The following ENKD1 variants were observed in gnomAD, a reference collection of about 807,000 sequenced individuals.
ENKD1 encodes the protein enkurin domain-containing protein 1.
A neutral mutation model predicts 35.8 loss-of-function variants in ENKD1; 39 were observed. The observed-to-expected ratio is 1.09, with a 90% CI of 0.84 to 1.42. The LOEUF is 1.42. ENKD1 is among the 40% of genes most tolerant of loss of function. ENKD1 has a pLI of 0.00. For synonymous variants in ENKD1, 205 were observed against 198.6 expected, an observed-to-expected ratio of 1.03 and a Z score of -0.27; for missense variants, 474 against 471.3, an observed-to-expected ratio of 1.01 and a Z score of -0.05.
At position 67,666,078 on chromosome 16, in the gene ENKD1, A is replaced by G; in HGVS notation, c.273T>C (p.Ser91=). 1 of 1,612,476 alleles carries G rather than the reference A, an allele frequency of 6.2e-7. No homozygotes were observed. ...LEGISLGPGA[S]LKRKDPKDHE... ...TCCATTCCTGGGACTTACTCTTGAG[A>G]GAGGCCCCAGGACCTAGGGAGATCC... Residue 91 remains serine, a synonymous_variant, in exon 2 of 7, where the codon TCT becomes TCC. Transcript: ENST00000243878.
intron 4 of ENKD1, 51 bp downstream of exon 4, chr16:67,663,886 C>CA (rs775985524): frequency 1.9e-6 from 3 of 1,603,958 alleles, no homozygotes; most frequent in South Asian, 1.1e-5. Context: ...ACACCCCCCC[C>CA]ACACCAGGAG....
Position 67,663,523 on chromosome 16 carries a change from C to G in ENKD1, c.777G>C (p.Glu259Asp), listed in dbSNP as rs766830869. ...LLERRDLWRR[E>D]AEARKQSQPD... is the part of the protein sequence containing the mutation. ...GCTGGCTCTGCTTGCGGGCCTCGGCCTCCCGCCGCCACAGGTCCCTGCGCT... is the reference window on the plus strand; with the variant it reads ...GCTGGCTCTGCTTGCGGGCCTCGGCGTCCCGCCGCCACAGGTCCCTGCGCT... The change falls in exon 6 of 7, where the codon GAG becomes GAC. Residue 259 changes from glutamate to aspartate, a missense_variant. By Grantham distance (45) the Glu-to-Asp change is conservative (BLOSUM62 2). Coordinates refer to ENST00000243878, the MANE Select transcript of ENKD1 (RefSeq NM_032140.3). 30 of 1,611,902 alleles carry G rather than the reference C, an allele frequency of 1.9e-5. No individual in the cohort carries two copies. In the South Asian group the frequency reaches 3.2e-4, roughly 17 times the overall value.
In ENKD1 at chr16:67,666,120, C is replaced by T. The variant is rs2053098211; in HGVS notation, c.231G>A (p.Val77=). ...LERGQRGVGD[V]LLQLEGISLG... ...GGGAGATCCCCTCGAGTTGCAACAG[C>T]ACGTCCCCGACGCCGCGCTGGCCGC... The change falls in exon 2 of 7, where the codon GTG becomes GTA. Residue 77 remains valine (V), a synonymous_variant. Coordinates refer to ENST00000243878, the MANE Select transcript of ENKD1 (RefSeq NM_032140.3). 1 of 1,612,846 alleles carries T rather than the reference C, an allele frequency of 6.2e-7. No individual in the cohort carries two copies. Among genetic ancestry groups the T allele is most frequent in the South Asian group, 1.1e-5 (1 of 91,090 alleles).
chr16:67,664,383 T>G, intron 3 of ENKD1: 2 of 427,712 alleles, frequency 4.7e-6, no homozygotes, highest in Non-Finnish European at 4.4e-6. Context: ...AGGCGGTCAA[T>G]TCCTTGGTCT....
chr16:67,665,858 T>G (rs2053093535), intron 2 of ENKD1, among the ~76,000 whole-genome samples: 1 of 152,246 alleles, frequency 6.6e-6, no homozygotes, highest in Admixed American at 6.5e-5. Flanking sequence ...GGGTAACAAA[T>G]GCATAAAGCA....
At chr16:67,664,485 C>A in intron 3 of ENKD1, 4 of 356,218 alleles carry the variant, frequency 1.1e-5, no homozygotes, top group South Asian at 6.6e-5. Context: ...ACACTCCCAC[C>A]CCCTGGGAAC....
rs758835205 is a variant in ENKD1, at chr16:67,666,270, G to GGGGCGGAGCC, written c.86-15_86-6dup. The GGGGCGGAGCC allele has an allele frequency of 1.9e-6, 3 of 1,601,938 alleles. No individual in the cohort carries two copies. The Admixed American group carries it at 5.1e-5, about 27-fold the overall frequency. On this transcript the variant is annotated splice_region_variant and splice_polypyrimidine_tract_variant and intron_variant, in intron 1 of 6. Transcript: ENST00000243878. ...TTCCCTCGAGGCGCCCTTGAGCTGT[G>GGGGCGGAGCC]GGGCGGAGCCGGGCGGAGTCCGGGG... is the stretch of plus-strand genomic sequence containing the variant.
chr16:67,665,067 T>C lies in ENKD1; in HGVS notation c.382A>G (p.Arg128Gly). ...GAGCGCCACAGAGCTTTCAGGGGCC[T>C]GGGCTGGCCCTGCTCCCGGCTGCGC... ...QERSREQGQP[R>G]PLKALWRSPK... Residue 128 changes from arginine to glycine, a missense_variant, in exon 3 of 7, where the codon AGG becomes GGG. Coordinates refer to ENST00000243878, the MANE Select transcript of ENKD1 (RefSeq NM_032140.3). 6.2e-7 allele frequency: 1 copy of C among 1,613,914 alleles called. No homozygotes were observed. Among genetic ancestry groups the C allele is most frequent in the East Asian group, 2.2e-5 (1 of 44,888 alleles).
intron 2 of ENKD1, 50 bp downstream of exon 2, chr16:67,666,021 T>A (rs767947018): frequency 8.9e-6 from 14 of 1,573,966 alleles, no homozygotes; most frequent in Non-Finnish European, 1.2e-5. Flanking sequence ...TTTTGATCTC[T>A]TTCCACCCCG....
At chr16:67,664,150 C>CTTTG (rs1567647021) in intron 3 of ENKD1, 88 bp from the exon 4 acceptor site, 8 of 1,245,088 alleles carry the variant, frequency 6.4e-6, no homozygotes, top group Non-Finnish European at 9.1e-6. Context: ...CCCTTCTGAC[C>CTTTG]TTTGCATCCA....
chr16:67,664,161 T>C, intron 3 of ENKD1, 99 bp from the exon 4 acceptor site: 1 of 1,080,116 alleles, frequency 9.3e-7, no homozygotes, highest in Non-Finnish European at 1.4e-6. Flanking sequence ...TTTGCATCCA[T>C]GTCCCTCGGG....
chr16:67,663,250 G>T lies in ENKD1; in HGVS notation c.952C>A (p.Arg318Ser). Residue 318 changes from arginine to serine, a missense_variant, in exon 7 of 7, where the codon CGT becomes AGT. By Grantham distance (110) the Arg-to-Ser change is moderately radical. Coordinates refer to ENST00000243878, the MANE Select transcript of ENKD1 (RefSeq NM_032140.3). ...ACCAGCTTCCGGTCCAGCTCAGCAC[G>T]GTGGCTCTGGGCTCTCAGTGAGTCT... ...GADSLRAQSH[R>S]AELDRKLVQV... The T allele has an allele frequency of 1.2e-6, 2 of 1,613,950 alleles. No homozygotes were observed. The highest frequency in any genetic ancestry group is 1.7e-6 in the Non-Finnish European group (2 of 1,180,038).
In ENKD1 at chr16:67,665,068, G is replaced by T; in HGVS notation, c.381C>A (p.Pro127=). 4 of 1,613,890 alleles carry T rather than the reference G, an allele frequency of 2.5e-6. No homozygotes were observed. The highest frequency in any genetic ancestry group is 3.4e-6 in the Non-Finnish European group (4 of 1,179,992). Residue 127 remains proline (P), a synonymous_variant, in exon 3 of 7, where the codon CCC becomes CCA. Transcript: ENST00000243878. ...AGCGCCACAGAGCTTTCAGGGGCCTGGGCTGGCCCTGCTCCCGGCTGCGCT... is the reference window on the plus strand; with the variant it reads ...AGCGCCACAGAGCTTTCAGGGGCCTTGGCTGGCCCTGCTCCCGGCTGCGCT... The part of the protein sequence containing the change: ...EQERSREQGQ[P]RPLKALWRSP...
Position 67,663,995 on chromosome 16 carries a change from C to T in ENKD1, c.521G>A (p.Gly174Asp), listed in dbSNP as rs528670686. The change falls in exon 4 of 7, where the codon GGC (glycine) becomes GAC (aspartate). Residue 174 changes from glycine (G) to aspartate (D), a missense_variant. Gly to Asp is a moderately conservative substitution (Grantham distance 94). Transcript: ENST00000243878. ...ACTAGATACATGGGGTGGTGGGAGG[C>T]CAGGGCCGCAGCGGGAGTGCGCCCG... is the stretch of plus-strand genomic sequence containing the variant. The part of the protein sequence containing the change: ...FLRAHSRCGP[G>D]LPPPHVSSPQ... The T allele has an allele frequency of 3.8e-5, 60 of 1,588,694 alleles. No individual in the cohort carries two copies. The South Asian group carries it at 6.5e-4, about 17-fold the overall frequency.
chr16:67,665,726 C>T (rs1163525745), intron 2 of ENKD1, among the ~76,000 whole-genome samples: 1 of 152,206 alleles, frequency 6.6e-6, no homozygotes, highest in Non-Finnish European at 1.5e-5. Flanking sequence ...TCATATATGA[C>T]ATTCATCTCT....
Position 67,666,450 on chromosome 16 carries a change from G to A in ENKD1, c.-8C>T, listed in dbSNP as rs746741143. 9 of 1,503,834 alleles carry A rather than the reference G, an allele frequency of 6.0e-6. No homozygotes were observed. The highest frequency in any genetic ancestry group is 7.1e-6 in the Non-Finnish European group (8 of 1,133,496). 93.2% of individuals were successfully genotyped at this position (1,503,834 alleles called of 1,614,324 possible). On this transcript the variant is annotated 5_prime_UTR_variant, in exon 1 of 7. Coordinates refer to ENST00000243878, the MANE Select transcript of ENKD1 (RefSeq NM_032140.3). ...GGACGGGCCCTCGCACATGCCGCCGGCGCCGCCCAGCAACGGTGCCCCGAG... is the reference window on the plus strand; with the variant it reads ...GGACGGGCCCTCGCACATGCCGCCGACGCCGCCCAGCAACGGTGCCCCGAG...
In ENKD1 at chr16:67,663,120, T is replaced by C. The variant is rs1373472182; in HGVS notation, c.*41A>G. The stretch of plus-strand genomic sequence containing the variant: ...CCTGTCCTTTGCAGCCATGTGGCGA[T>C]CCTCAGCATGGAGCTCCTTGCCACT... On this transcript the variant is annotated 3_prime_UTR_variant, in exon 7 of 7. Coordinates refer to ENST00000243878, the MANE Select transcript of ENKD1 (RefSeq NM_032140.3). The C allele has an allele frequency of 1.2e-6, 2 of 1,610,640 alleles. No homozygotes were observed. Among genetic ancestry groups the C allele is most frequent in the Non-Finnish European group, 8.5e-7 (1 of 1,178,216 alleles).
chr16:67,663,760 G>A lies in ENKD1; in HGVS notation c.640C>T (p.Arg214Trp), dbSNP rs754923936. 84 of 1,610,734 alleles carry A rather than the reference G, an allele frequency of 5.2e-5. No individual in the cohort carries two copies. The highest frequency in any genetic ancestry group is 6.6e-5 in the Non-Finnish European group (78 of 1,178,544). Residue 214 changes from arginine (R) to tryptophan (W), a missense_variant, in exon 5 of 7, where the codon CGG becomes TGG. By Grantham distance (101) the Arg-to-Trp change is moderately radical. Coordinates refer to ENST00000243878, the MANE Select transcript of ENKD1 (RefSeq NM_032140.3). ...ACCTGCAGTGAGCAGGAATGCCTCCGGGGGGCTCTCTTGGCAGCTCGTGCA... is the reference window on the plus strand; with the variant it reads ...ACCTGCAGTGAGCAGGAATGCCTCCAGGGGGCTCTCTTGGCAGCTCGTGCA... ...HNARAAKRAP[R>W]RHSCSLQVLA...
chr16:67,665,238 C>T, intron 2 of ENKD1, 70 bp from the exon 3 acceptor site: 1 of 1,526,786 alleles, frequency 6.5e-7, no homozygotes, highest in Non-Finnish European at 8.8e-7. Context: ...CTAGTTCACA[C>T]ACAGGCCTGC....
Sources: allele counts gnomAD v4.1 joint callset (sites outside exome capture counted in the v4.1 genomes callset), GRCh38; gene constraint gnomAD v4.1.1; transcripts MANE v1.5; gene names NCBI Gene and HGNC (gene_info 2026-07-23, HGNC 2026-07-21).